CRISPLD1: variants seen among roughly 807,000 people sequenced by gnomAD.
CRISPLD1 encodes cysteine rich secretory protein LCCL domain containing 1, also known as cysteine-rich secretory protein LCCL domain-containing 1.
A neutral mutation model predicts 77.5 loss-of-function variants in CRISPLD1; 60 were observed. The ratio of observed to expected loss-of-function variants is 0.77; its 90% CI spans 0.63 to 0.96. The LOEUF is 0.96. Ranked by LOEUF, CRISPLD1 falls within the 40% of genes least tolerant of loss-of-function variation. The pLI is 0.00. For synonymous variants in CRISPLD1, 195 were observed against 200.1 expected, an observed-to-expected ratio of 0.97 and a Z score of 0.22; for missense variants, 623 against 615.8, an observed-to-expected ratio of 1.01 and a Z score of -0.12.
At chr8:74,998,544 C>T (rs1812680678) in intron 2 of CRISPLD1, among the ~76,000 whole-genome samples, 1 of 151,420 alleles carries the variant, frequency 6.6e-6, no homozygotes, top group Admixed American at 6.6e-5. Context: ...AAAAATTAGC[C>T]AAGTATGGTG....
intron 2 of CRISPLD1, among the ~76,000 whole-genome samples, chr8:74,990,989 C>G (rs1812564677): frequency 6.6e-6 from 1 of 151,524 alleles, no homozygotes; most frequent in South Asian, 2.1e-4. Flanking sequence ...CAGACTATAC[C>G]AATCCTATTT....
intron 2 of CRISPLD1, among the ~76,000 whole-genome samples, chr8:75,005,020 CT>C (rs1309283560): frequency 6.6e-6 from 1 of 152,088 alleles, no homozygotes; most frequent in African/African-American, 2.4e-5. Context: ...ATCAAAAATA[CT>C]TCGAAGAAAT....
chr8:74,992,443 ATTTT>A (rs1812586279), intron 2 of CRISPLD1, among the ~76,000 whole-genome samples: 1 of 152,212 alleles, frequency 6.6e-6, no homozygotes, highest in Non-Finnish European at 1.5e-5. Context: ...CTTGTTACAT[ATTTT>A]TAACATAGAG....
chr8:74,996,183 A>G (rs189673075), intron 2 of CRISPLD1, among the ~76,000 whole-genome samples: 36 of 151,652 alleles, frequency 2.4e-4, no homozygotes, highest in African/African-American at 8.5e-4. Context: ...TCAAGTGGTA[A>G]TGAATTATCT....
At chr8:75,023,325 G>T (rs1368572623) in intron 12 of CRISPLD1, among the ~76,000 whole-genome samples, 1 of 152,212 alleles carries the variant, frequency 6.6e-6, no homozygotes, top group African/African-American at 2.4e-5. Context: ...ACAGCCATAA[G>T]GATGACGGTG....
Position 74,986,218 on chromosome 8 carries a change from T to C in CRISPLD1, c.231T>C (p.Tyr77=). The C allele has an allele frequency of 6.2e-7, 1 of 1,614,132 alleles. No homozygotes were observed. The highest frequency in any genetic ancestry group is 8.5e-7 in the Non-Finnish European group (1 of 1,179,990). The change falls in exon 2 of 15, where the codon TAT becomes TAC. Residue 77 remains tyrosine, a synonymous_variant. Transcript: ENST00000262207. ...DLHNKLRSQV[Y]PTASNMEYMT... Reference sequence around the variant, plus strand: ...ATAATAAATTACGAAGTCAGGTGTATCCAACAGCCTCTAATATGGAGTATA... The same window carrying C: ...ATAATAAATTACGAAGTCAGGTGTACCCAACAGCCTCTAATATGGAGTATA...
chr8:74,999,959 A>G (rs1812711056), intron 2 of CRISPLD1, among the ~76,000 whole-genome samples: 2 of 151,418 alleles, frequency 1.3e-5, no homozygotes. Flanking sequence ...CCACCGACAG[A>G]ATAAACCTTA....
At chr8:75,017,226 T>C in intron 9 of CRISPLD1, 94 bp from the exon 10 acceptor site, 6 of 1,544,200 alleles carry the variant, frequency 3.9e-6, no homozygotes, top group Non-Finnish European at 5.3e-6. Context: ...CAGAAATGTT[T>C]ATTTAATTGA....
Position 75,016,923 on chromosome 8 carries a change from A to G in CRISPLD1, c.911A>G (p.Lys304Arg). 1.3e-6 allele frequency: 2 copies of G among 1,568,990 alleles called. No homozygotes were observed. The highest frequency in any genetic ancestry group is 1.7e-6 in the Non-Finnish European group (2 of 1,155,250). The change falls in exon 8 of 15, where the codon AAA (lysine) becomes AGA (arginine). Residue 304 changes from lysine (K) to arginine (R), a missense_variant. By Grantham distance (26) the Lys-to-Arg change is conservative (BLOSUM62 2). Transcript: ENST00000262207. ...GAAGTAAGATTAAGAGATCAGTGCA[A>G]AGGAACAACCTGCAATAGGTAATAT... ...SCEVRLRDQC[K>R]GTTCNRYECP...
intron 1 of CRISPLD1, 46 bp from the exon 2 acceptor site, chr8:74,985,880 A>T (rs920813582): frequency 1.3e-5 from 17 of 1,267,410 alleles, no homozygotes; most frequent in Non-Finnish European, 1.8e-5. Flanking sequence ...TAGAAAATTC[A>T]TATCTGCTGG....
In CRISPLD1 at chr8:75,014,036, A is replaced by G; in HGVS notation, c.560A>G (p.His187Arg). Residue 187 changes from histidine to arginine, a missense_variant, in exon 5 of 15, where the codon CAT becomes CGT. His to Arg is a conservative substitution (Grantham distance 29). Coordinates refer to ENST00000262207, the MANE Select transcript of CRISPLD1 (RefSeq NM_031461.6). The stretch of plus-strand genomic sequence containing the variant: ...ATCGGTTGTGCCATTAATTTGTGTC[A>G]TAACATGAACATCTGGGGGCAGATA... ...NRIGCAINLC[H>R]NMNIWGQIWP... 1 of 1,613,296 alleles carries G rather than the reference A, an allele frequency of 6.2e-7. No homozygotes were observed. Among genetic ancestry groups the G allele is most frequent in the Non-Finnish European group, 8.5e-7 (1 of 1,179,476 alleles).
At position 75,010,427 on chromosome 8, in the gene CRISPLD1, A is replaced by G. The variant is rs180906921; in HGVS notation, c.259-2006A>G. On this transcript the variant is annotated intron_variant, in intron 2 of 14. Coordinates refer to ENST00000262207, the MANE Select transcript of CRISPLD1 (RefSeq NM_031461.6). ...GAACAAATTCTCTCTAGACTCTGGC[A>G]TCTCATCTATAGCTTCTGCCACATT... Among the ~76,000 whole-genome samples the G allele has an allele frequency of 1.3e-3, 191 of 152,234 alleles. 1 individual carries two copies. The highest frequency in any genetic ancestry group is 1.1e-3 in the Non-Finnish European group (73 of 67,982).
chr8:74,994,533 A>T (rs140869592), intron 2 of CRISPLD1, among the ~76,000 whole-genome samples: 2 of 152,120 alleles, frequency 1.3e-5, no homozygotes, highest in East Asian at 1.9e-4. Context: ...CTGGTCACCC[A>T]TTTTACCCAC....
At chr8:74,987,350 C>T (rs940031411) in intron 2 of CRISPLD1, among the ~76,000 whole-genome samples, 28 of 152,276 alleles carry the variant, frequency 1.8e-4, no homozygotes, top group African/African-American at 5.5e-4. Context: ...GGCACTGACA[C>T]GCACTAGCTA....
At position 74,986,115 on chromosome 8, in the gene CRISPLD1, A is replaced by T; in HGVS notation, c.128A>T (p.Asp43Val). The change falls in exon 2 of 15, where the codon GAT (aspartate) becomes GTT (valine). Residue 43 changes from aspartate to valine, a missense_variant. Transcript: ENST00000262207. Reference sequence around the variant, plus strand: ...CTTTTGGAAAAATACATGGATGAGGATGGTGAGTGGTGGATAGCCAAACAA... The same window carrying T: ...CTTTTGGAAAAATACATGGATGAGGTTGGTGAGTGGTGGATAGCCAAACAA... ...EKLLEKYMDEDGEWWIAKQRG... is the reference protein window; with the variant it reads ...EKLLEKYMDEVGEWWIAKQRG... The T allele has an allele frequency of 6.2e-7, 1 of 1,614,132 alleles. No homozygotes were observed. The highest frequency in any genetic ancestry group is 8.5e-7 in the Non-Finnish European group (1 of 1,180,016).
intron 2 of CRISPLD1, among the ~76,000 whole-genome samples, chr8:74,991,230 A>C (rs1276513635): frequency 6.6e-6 from 1 of 152,110 alleles, no homozygotes; most frequent in Non-Finnish European, 1.5e-5. Context: ...TCCTGGTCTG[A>C]AGTGATCTGC....
intron 1 of CRISPLD1, among the ~76,000 whole-genome samples, chr8:74,985,361 C>A (rs1048254538): frequency 6.6e-6 from 1 of 152,080 alleles, no homozygotes; most frequent in Non-Finnish European, 1.5e-5. Context: ...GTTCACGGGG[C>A]CCCCTAGATG....
intron 2 of CRISPLD1, among the ~76,000 whole-genome samples, chr8:75,011,734 A>T (rs535533758): frequency 6.6e-6 from 1 of 152,240 alleles, no homozygotes; most frequent in East Asian, 1.9e-4. Context: ...AGATTTGTTA[A>T]TCATTCATGT....
intron 13 of CRISPLD1, among the ~76,000 whole-genome samples, chr8:75,027,766 C>T (rs1288250668): frequency 6.6e-6 from 1 of 152,178 alleles, no homozygotes; most frequent in Non-Finnish European, 1.5e-5. Context: ...TCCTTCCCTT[C>T]TCTTTCTTTC....
Sources: allele counts gnomAD v4.1 joint callset (sites outside exome capture counted in the v4.1 genomes callset), GRCh38; gene constraint gnomAD v4.1.1; transcripts MANE v1.5; gene names NCBI Gene and HGNC (gene_info 2026-07-23, HGNC 2026-07-21).